The following TTLL5 variants were observed in gnomAD, a reference collection of about 807,000 sequenced individuals.
TTLL5 encodes tubulin tyrosine ligase like 5.
A neutral mutation model predicts 168.4 loss-of-function variants in TTLL5; 132 were observed. That is an observed-to-expected ratio of 0.78 (90% CI 0.68 to 0.91). TTLL5 has a LOEUF of 0.91. TTLL5 is among the 40% of genes least tolerant of loss of function. The pLI is 0.00. For synonymous variants in TTLL5, 546 were observed against 558.6 expected (o/e 0.98, Z 0.32); for missense variants, 1,545 against 1,581.5 (o/e 0.98, Z 0.39).
chr14:75,697,979 C>T (rs1312241294), intron 6 of TTLL5, among the ~76,000 whole-genome samples: 2 of 152,216 alleles, frequency 1.3e-5, no homozygotes, highest in Non-Finnish European at 2.9e-5. Context: ...TTCCCTTTCT[C>T]TCTTCCTTCA....
chr14:75,721,043 G>C (rs1887803973), intron 12 of TTLL5, among the ~76,000 whole-genome samples: 1 of 152,148 alleles, frequency 6.6e-6, no homozygotes, highest in Non-Finnish European at 1.5e-5. Context: ...AGCCAGGCTG[G>C]GAACAGTTCC....
At chr14:75,855,813 T>C (rs996202941) in intron 28 of TTLL5, among the ~76,000 whole-genome samples, 3 of 152,162 alleles carry the variant, frequency 2.0e-5, no homozygotes, top group Non-Finnish European at 2.9e-5. Flanking sequence ...TTAAAACACA[T>C]ACACACACAT....
At chr14:75,774,750 A>G (rs1566598674) in intron 21 of TTLL5, among the ~76,000 whole-genome samples, 1 of 151,922 alleles carries the variant, frequency 6.6e-6, no homozygotes, top group Non-Finnish European at 1.5e-5. Context: ...GTGCCGTGGC[A>G]TGATCTTGGC....
chr14:75,919,065 G>A (rs549881772), intron 31 of TTLL5, among the ~76,000 whole-genome samples: 2 of 151,974 alleles, frequency 1.3e-5, no homozygotes, highest in East Asian at 1.9e-4. Flanking sequence ...GCTGGGCATG[G>A]TGGCACGTGC....
At chr14:75,889,643 C>T (rs904439261) in intron 30 of TTLL5, among the ~76,000 whole-genome samples, 1 of 151,994 alleles carries the variant, frequency 6.6e-6, no homozygotes, top group Non-Finnish European at 1.5e-5. Flanking sequence ...ACCGGGCCAA[C>T]ATGGCAAAAC....
At chr14:75,794,852 A>G (rs1566607689) in intron 27 of TTLL5, among the ~76,000 whole-genome samples, 1 of 152,160 alleles carries the variant, frequency 6.6e-6, no homozygotes, top group South Asian at 2.1e-4. Context: ...AGTTCACTCC[A>G]TTGTTATTCT....
In TTLL5 at chr14:75,925,114, C is replaced by T. The variant is rs1423473167; in HGVS notation, c.3823+22890C>T. On this transcript the variant is annotated intron_variant, in intron 31 of 31. Coordinates refer to ENST00000298832, the MANE Select transcript of TTLL5 (RefSeq NM_015072.5). ...CTGACCCCCCAACCTCCCTCCCGGA[C>T]GGGGCGGCTGGCCGGGCGGGTGGCT... 1.0e-4 allele frequency among the ~76,000 whole-genome samples: 15 copies of T among 146,518 alleles called. 1 individual carries two copies. Among genetic ancestry groups the T allele is most frequent in the Non-Finnish European group, 1.7e-4 (11 of 66,468 alleles).
At chr14:75,876,840 G>A (rs1180573266) in intron 29 of TTLL5, among the ~76,000 whole-genome samples, 4 of 152,182 alleles carry the variant, frequency 2.6e-5, no homozygotes, top group Admixed American at 6.5e-5. Context: ...TTGGCTGCAA[G>A]GTTTTTACAG....
intron 18 of TTLL5, 62 bp downstream of exon 18, chr14:75,753,017 C>T (rs1479071844): frequency 2.5e-5 from 38 of 1,501,362 alleles, no homozygotes; most frequent in Admixed American, 8.5e-5. Flanking sequence ...AAGTACATGT[C>T]AAAGAAGGAA....
chr14:75,781,957 CAAAAA>C (rs11350842), intron 24 of TTLL5, among the ~76,000 whole-genome samples: 4 of 69,468 alleles, frequency 5.8e-5, no homozygotes, highest in Non-Finnish European at 2.9e-5. Context: ...AAACTTTGTT[CAAAAA>C]AAAAAAAAAA....
In TTLL5 at chr14:75,771,874, A is replaced by G; in HGVS notation, c.2136+20A>G. 6.3e-7 allele frequency: 1 copy of G among 1,596,688 alleles called. No homozygotes were observed. The highest frequency in any genetic ancestry group is 8.5e-7 in the Non-Finnish European group (1 of 1,174,634). On this transcript the variant is annotated intron_variant, in intron 21 of 31. Coordinates refer to ENST00000298832, the MANE Select transcript of TTLL5 (RefSeq NM_015072.5). ...CAGATGGTAAGGCTTTTCTTACTGA[A>G]ACCTTTTTACTTTCCCTTTTTCTTT...
intron 30 of TTLL5, among the ~76,000 whole-genome samples, chr14:75,895,814 GA>G (rs1392338364): frequency 6.6e-6 from 1 of 152,142 alleles, no homozygotes; most frequent in East Asian, 1.9e-4. Context: ...AAAAAATACA[GA>G]AATCTACAAC....
At chr14:75,860,519 A>G (rs1897344019) in intron 28 of TTLL5, among the ~76,000 whole-genome samples, 2 of 152,260 alleles carry the variant, frequency 1.3e-5, no homozygotes, top group African/African-American at 2.4e-5. Context: ...CAGGAACGAA[A>G]GCAGAACCAC....
chr14:75,808,127 G>A (rs763204996), intron 27 of TTLL5, among the ~76,000 whole-genome samples: 10 of 152,256 alleles, frequency 6.6e-5, no homozygotes, highest in Admixed American at 2.0e-4. Context: ...GAAACCCTAC[G>A]AAGAGATTTG....
Position 75,707,097 on chromosome 14 carries a change from G to A in TTLL5, c.655+10G>A, listed in dbSNP as rs1251613798. 1.2e-6 allele frequency: 2 copies of A among 1,610,366 alleles called. No homozygotes were observed. Among genetic ancestry groups the A allele is most frequent in the East Asian group, 2.2e-5 (1 of 44,722 alleles). On this transcript the variant is annotated intron_variant, in intron 8 of 31. Transcript: ENST00000298832. ...CCCCTGCTCATAGATGGTGAGTTGT[G>A]ATTAGGCCCTTGACCAAATTGGGCC...
intron 30 of TTLL5, among the ~76,000 whole-genome samples, chr14:75,888,935 G>GA (rs10680423): frequency 0.016 from 2,266 of 145,388 alleles, 24 homozygotes; most frequent in South Asian, 0.026. Flanking sequence ...GACTGTCTCC[G>GA]AAAAAAAAAA....
intron 5 of TTLL5, among the ~76,000 whole-genome samples, chr14:75,686,576 T>G (rs1301957350): frequency 6.6e-6 from 1 of 152,230 alleles, no homozygotes; most frequent in Admixed American, 6.5e-5. Context: ...TGTGTTTGAT[T>G]TTCCTGGACA....
intron 30 of TTLL5, among the ~76,000 whole-genome samples, chr14:75,883,275 C>A (rs1238995051): frequency 2.0e-5 from 3 of 152,236 alleles, no homozygotes; most frequent in Non-Finnish European, 2.9e-5. Flanking sequence ...CATTAGTCAC[C>A]AAGCTCTGTG....
rs1566598167 is a variant in TTLL5 at position 75,773,956 on chromosome 14, AAAGAGAGAGAGAG to A, written c.2137-1526_2137-1514del. Among the ~76,000 whole-genome samples, 240 of 48,762 alleles carry A rather than the reference AAAGAGAGAGAGAG, an allele frequency of 4.9e-3. 1 individual carries two copies. Among genetic ancestry groups the A allele is most frequent in the African/African-American group, 0.015 (235 of 15,570 alleles). 32.0% of individuals were successfully genotyped at this position (48,762 alleles called of 152,430 possible). A position where few individuals can be genotyped will look rare whatever the true frequency, so the allele number is the denominator to read the frequency against. On this transcript the variant is annotated intron_variant, in intron 21 of 31. Coordinates refer to ENST00000298832, the MANE Select transcript of TTLL5 (RefSeq NM_015072.5). ...GAGAGAGAGAGAGAGAGAGAGAGAGAAAGAGAGAGAGAGAGAGAGAGAGAGAGAGAGAGAGAGA... is the reference window on the plus strand; with the variant it reads ...GAGAGAGAGAGAGAGAGAGAGAGAGAAGAGAGAGAGAGAGAGAGAGAGAGA...
Sources: allele counts gnomAD v4.1 joint callset (sites outside exome capture counted in the v4.1 genomes callset), GRCh38; gene constraint gnomAD v4.1.1; transcripts MANE v1.5; gene names NCBI Gene and HGNC (gene_info 2026-07-23, HGNC 2026-07-21).